The following PCDHA6 variants were observed in gnomAD, a reference collection of about 807,000 sequenced individuals.
PCDHA6 encodes protocadherin alpha-6.
PCDHA6 carries 55 observed loss-of-function variants against 60.3 expected under a neutral mutation model. The observed-to-expected ratio is 0.91, with a 90% CI of 0.73 to 1.14. The LOEUF is 1.14. PCDHA6 is among the 50% of genes most tolerant of loss of function. The pLI, the probability that PCDHA6 is intolerant of heterozygous loss-of-function variation, is 0.00. For synonymous variants in PCDHA6, 652 were observed against 557.9 expected (o/e 1.17, Z -2.38); for missense variants, 1,327 against 1,256.5 (o/e 1.06, Z -0.85).
chr5:140,851,487 C>T (rs1273932978), intron 1 of PCDHA6: 42 of 889,088 alleles, frequency 4.7e-5, no homozygotes, highest in Non-Finnish European at 5.1e-5. Context: ...TAAACACAGC[C>T]TTCATTTCAA....
intron 1 of PCDHA6, chr5:140,862,170 GC>G (rs2047237372): frequency 6.1e-6 from 1 of 164,918 alleles, no homozygotes; most frequent in Non-Finnish European, 1.3e-5. Flanking sequence ...TCAAATACAG[GC>G]AGTTGACACA....
chr5:140,899,191 C>G (rs1583332627), intron 1 of PCDHA6, among the ~76,000 whole-genome samples: 2 of 151,090 alleles, frequency 1.3e-5, no homozygotes, highest in Non-Finnish European at 3.0e-5. Flanking sequence ...TTTCCTTCTC[C>G]TGCCTAATTG....
At chr5:140,948,564 T>C (rs1329949756) in intron 1 of PCDHA6, among the ~76,000 whole-genome samples, 1 of 151,688 alleles carries the variant, frequency 6.6e-6, no homozygotes, top group Non-Finnish European at 1.5e-5. Flanking sequence ...TTAAGTTGTA[T>C]TTTTTAAAGG....
intron 1 of PCDHA6, chr5:140,863,783 G>A: frequency 4.4e-6 from 1 of 226,522 alleles, no homozygotes; most frequent in South Asian, 6.5e-5. Flanking sequence ...CGGATCACTC[G>A]AGGCCAGGAG....
intron 3 of PCDHA6, 123 bp downstream of exon 3, chr5:140,982,686 C>T: frequency 2.8e-6 from 4 of 1,418,870 alleles, no homozygotes; most frequent in Non-Finnish European, 3.7e-6. Context: ...TCCCTTTTTT[C>T]CATACATACA....
intron 1 of PCDHA6, among the ~76,000 whole-genome samples, chr5:140,971,541 G>A (rs544682624): frequency 6.6e-6 from 1 of 152,172 alleles, no homozygotes; most frequent in Non-Finnish European, 1.5e-5. Context: ...ATCATTGCCA[G>A]ATCAACCTGT....
chr5:140,861,130 A>C (rs1554154191), intron 1 of PCDHA6: 1 of 153,606 alleles, frequency 6.5e-6, no homozygotes, highest in Non-Finnish European at 1.4e-5. Flanking sequence ...CATTAAGACC[A>C]CTTGGAACCT....
At chr5:140,857,302 G>A in intron 1 of PCDHA6, 1 of 1,598,652 alleles carries the variant, frequency 6.3e-7, no homozygotes, top group South Asian at 1.1e-5. Flanking sequence ...AGAGGGTGTC[G>A]GCCTATGAGC....
At chr5:140,896,608 C>A (rs1356168334) in intron 1 of PCDHA6, among the ~76,000 whole-genome samples, 2 of 151,832 alleles carry the variant, frequency 1.3e-5, no homozygotes, top group Non-Finnish European at 2.9e-5. Context: ...AACTCCTGGT[C>A]TTAAGTGATC....
intron 1 of PCDHA6, among the ~76,000 whole-genome samples, chr5:140,878,675 G>C (rs1582445027): frequency 6.6e-6 from 1 of 152,048 alleles, no homozygotes; most frequent in East Asian, 1.9e-4. Flanking sequence ...TTTAACCAGG[G>C]AATAAAGTCT....
intron 1 of PCDHA6, among the ~76,000 whole-genome samples, chr5:140,894,027 A>G (rs1251239546): frequency 6.6e-6 from 1 of 152,206 alleles, no homozygotes; most frequent in Non-Finnish European, 1.5e-5. Context: ...AGTTCTGCAT[A>G]CTGGTAATGT....
At chr5:140,976,298 C>A (rs2096709941) in intron 1 of PCDHA6, among the ~76,000 whole-genome samples, 1 of 152,036 alleles carries the variant, frequency 6.6e-6, no homozygotes, top group African/African-American at 2.4e-5. Context: ...AGCCTGTAAT[C>A]CCAGCACTTT....
At chr5:140,861,631 C>A (rs960525062) in intron 1 of PCDHA6, 2 of 314,942 alleles carry the variant, frequency 6.4e-6, no homozygotes, top group Non-Finnish European at 1.3e-5. Context: ...GTGTTCTCAG[C>A]AACACAAAAG....
intron 1 of PCDHA6, among the ~76,000 whole-genome samples, chr5:140,916,214 C>A (rs1294292456): frequency 6.6e-6 from 1 of 152,266 alleles, no homozygotes; most frequent in African/African-American, 2.4e-5. Flanking sequence ...TGGGGAAGAT[C>A]CAAATATGCT....
Position 140,829,342 on chromosome 5 carries a change from C to A in PCDHA6, c.1251C>A (p.Ser417Arg), listed in dbSNP as rs17844302. The change falls in exon 1 of 4, where the codon AGC becomes AGA. Residue 417 changes from serine (S) to arginine (R), a missense_variant. Transcript: ENST00000529310. Reference sequence around the variant, plus strand: ...TGGACAGTGCCCTGGACCGCGAGAGCGTGTCGGCCTATGAGTTGGTGGTAA... The same window carrying A: ...TGGACAGTGCCCTGGACCGCGAGAGAGTGTCGGCCTATGAGTTGGTGGTAA... Reference protein sequence around the residue: ...LVLDSALDRESVSAYELVVTA... With the variant: ...LVLDSALDRERVSAYELVVTA... The A allele has an allele frequency of 4.1e-3, 6,559 of 1,614,192 alleles. 207 individuals carry two copies. In the African/African-American group the frequency reaches 0.072, roughly 18 times the overall value.
rs139450702 is a variant in PCDHA6 at position 140,830,109 on chromosome 5, G to A, written c.2018G>A (p.Gly673Asp). ...ATVLVSLVES[G>D]QAPKASSRAS... is the part of the protein sequence containing the mutation. The stretch of plus-strand genomic sequence containing the variant: ...GTTCTGGTGTCGCTGGTGGAGAGTG[G>A]CCAGGCTCCAAAGGCGTCATCACGG... Residue 673 changes from glycine to aspartate, a missense_variant, in exon 1 of 4, where the codon GGC (glycine) becomes GAC (aspartate). Physicochemically the swap from Gly to Asp is moderately conservative, Grantham distance 94 (BLOSUM62 -1). Coordinates refer to ENST00000529310, the MANE Select transcript of PCDHA6 (RefSeq NM_018909.4). The A allele has an allele frequency of 4.0e-5, 65 of 1,613,456 alleles. No homozygotes were observed. The East Asian group carries it at 7.6e-4, about 19-fold the overall frequency.
chr5:140,946,335 G>A lies in PCDHA6; in HGVS notation c.2395-32614G>A, dbSNP rs555314202. ...ATTATTGAAAGAGGAAAGATAACAA[G>A]TGATGGAGAGGATGTGGAGAAAAGG... On this transcript the variant is annotated intron_variant, in intron 1 of 3. Transcript: ENST00000529310. Among the ~76,000 whole-genome samples, 250 of 151,944 alleles carry A rather than the reference G, an allele frequency of 1.6e-3. 2 individuals are homozygous for A. The highest frequency in any genetic ancestry group is 2.8e-3 in the Non-Finnish European group (188 of 67,814).
chr5:140,877,434 C>T, intron 1 of PCDHA6: 1 of 1,613,804 alleles, frequency 6.2e-7, no homozygotes, highest in South Asian at 1.1e-5. Flanking sequence ...TGAAGGACCA[C>T]GGTGAGCCCG....
chr5:140,966,894 A>G, intron 1 of PCDHA6: 1 of 1,596,438 alleles, frequency 6.3e-7, no homozygotes, highest in Non-Finnish European at 8.5e-7. Flanking sequence ...GCGGCCTCCC[A>G]GCTGCGATAC....
Sources: gnomAD v4.1 joint callset for allele counts (sites outside exome capture counted in the v4.1 genomes callset) on GRCh38, gnomAD v4.1.1 for gene constraint, MANE v1.5 for transcripts, NCBI Gene and HGNC (gene_info 2026-07-23, HGNC 2026-07-21) for gene names.